Variants in SPON1 observed in about 807,000 individuals in gnomAD.
The protein encoded by SPON1 is spondin 1.
A neutral mutation model predicts 111.7 loss-of-function variants in SPON1; 52 were observed. The ratio of observed to expected loss-of-function variants is 0.47; its 90% CI spans 0.37 to 0.59. The LOEUF (loss-of-function observed/expected upper bound fraction) is 0.59. Ranked by LOEUF, SPON1 falls within the 20% of genes least tolerant of loss-of-function variation. The pLI, the probability that SPON1 is intolerant of heterozygous loss-of-function variation, is 0.00. For missense variants in SPON1, 957 were observed against 1,068.5 expected (o/e 0.90, Z 1.46); for synonymous variants, 410 against 395.8 (o/e 1.04, Z -0.43).
At chr11:14,023,868 G>C (rs1035928523) in intron 2 of SPON1, among the ~76,000 whole-genome samples, 5 of 152,168 alleles carry the variant, frequency 3.3e-5, no homozygotes, top group African/African-American at 4.8e-5. Context: ...TGGGCGTAGT[G>C]GTGGGCGCCT....
rs556926716 is a variant in SPON1, at chr11:13,991,856, C to T, written c.345+8903C>T. Among the ~76,000 whole-genome samples the T allele has an allele frequency of 1.1e-4, 16 of 152,266 alleles. 2 individuals are homozygous for T. In the South Asian group the frequency reaches 3.3e-3, roughly 32 times the overall value. Reference sequence around the variant, plus strand: ...TGCTGGAGTTTGCTGGAGGTCCACTCCTGACCCTGTTTGCCTGGGTATCAC... The same window carrying T: ...TGCTGGAGTTTGCTGGAGGTCCACTTCTGACCCTGTTTGCCTGGGTATCAC... On this transcript the variant is annotated intron_variant, in intron 2 of 15. Coordinates refer to ENST00000576479, the MANE Select transcript of SPON1 (RefSeq NM_006108.4).
At chr11:14,019,978 G>A (rs548244543) in intron 2 of SPON1, among the ~76,000 whole-genome samples, 13 of 152,258 alleles carry the variant, frequency 8.5e-5, no homozygotes, top group Non-Finnish European at 1.5e-4. Context: ...CAGGTCACAT[G>A]GTCACCTGAA....
intron 6 of SPON1, among the ~76,000 whole-genome samples, chr11:14,210,373 CT>C (rs79378171): frequency 0.023 from 3,061 of 133,584 alleles, 75 homozygotes; most frequent in African/African-American, 0.067. Context: ...TTTCTTTTTC[CT>C]TTTTTTTTTT....
At chr11:14,173,512 C>A (rs1848134031) in intron 6 of SPON1, among the ~76,000 whole-genome samples, 1 of 152,168 alleles carries the variant, frequency 6.6e-6, no homozygotes, top group Non-Finnish European at 1.5e-5. Context: ...CATTCTCTGT[C>A]CAGCTTTGTT....
chr11:14,013,002 G>A (rs782324151), intron 2 of SPON1, among the ~76,000 whole-genome samples: 2 of 152,158 alleles, frequency 1.3e-5, no homozygotes, highest in Non-Finnish European at 2.9e-5. Context: ...ACTGTACTCT[G>A]ATATTTCTTA....
rs185851031 is a variant in SPON1 at position 14,204,734 on chromosome 11, C to T, written c.826-38598C>T. Among the ~76,000 whole-genome samples the T allele has an allele frequency of 4.6e-3, 706 of 151,912 alleles. 7 individuals carry two copies. Among genetic ancestry groups the T allele is most frequent in the African/African-American group, 0.017 (684 of 41,428 alleles). On this transcript the variant is annotated intron_variant, in intron 6 of 15. Transcript: ENST00000576479. Reference sequence around the variant, plus strand: ...GGTTTTTTTTTTGTTTGCCAGGCTGCAGTGCAGTGGCGCAGTCTCGGCTTA... The same window carrying T: ...GGTTTTTTTTTTGTTTGCCAGGCTGTAGTGCAGTGGCGCAGTCTCGGCTTA...
At chr11:14,176,149 T>A (rs1554933046) in intron 6 of SPON1, among the ~76,000 whole-genome samples, 1 of 152,040 alleles carries the variant, frequency 6.6e-6, no homozygotes, top group Non-Finnish European at 1.5e-5. Context: ...TCATTGAATG[T>A]GACCAGACGA....
rs185170552 is a variant in SPON1 at position 14,034,396 on chromosome 11, T to G, written c.346-7125T>G. 1.2e-3 allele frequency among the ~76,000 whole-genome samples: 180 copies of G among 152,286 alleles called. 1 individual carries two copies. The highest frequency in any genetic ancestry group is 4.1e-3 in the African/African-American group (170 of 41,574). On this transcript the variant is annotated intron_variant, in intron 2 of 15. Transcript: ENST00000576479. ...TGAGACCCACTCTAGATGACGAGTG[T>G]GGAGACGTTTGGGATTGCCAGGAGG...
At chr11:14,141,510 A>G (rs1245781220) in intron 6 of SPON1, among the ~76,000 whole-genome samples, 1 of 152,210 alleles carries the variant, frequency 6.6e-6, no homozygotes, top group African/African-American at 2.4e-5. Flanking sequence ...AAGAGGTCAG[A>G]TAATGGTGGA....
chr11:14,180,978 A>G (rs947199185), intron 6 of SPON1, among the ~76,000 whole-genome samples: 1 of 152,212 alleles, frequency 6.6e-6, no homozygotes, highest in Non-Finnish European at 1.5e-5. Flanking sequence ...CAGTTTGTTC[A>G]CTACCCCCTG....
At chr11:14,025,659 G>A (rs976068182) in intron 2 of SPON1, among the ~76,000 whole-genome samples, 3 of 152,128 alleles carry the variant, frequency 2.0e-5, no homozygotes, top group Admixed American at 1.3e-4. Flanking sequence ...AGGGTCATGC[G>A]GGTGGTGGTT....
intron 6 of SPON1, among the ~76,000 whole-genome samples, chr11:14,235,638 C>T (rs1415007949): frequency 1.4e-5 from 2 of 138,076 alleles, no homozygotes; most frequent in Non-Finnish European, 3.0e-5. Flanking sequence ...ATGATTATGC[C>T]CCTGTACTCC....
intron 1 of SPON1, among the ~76,000 whole-genome samples, chr11:13,969,383 T>A (rs1166932789): frequency 6.6e-6 from 1 of 152,062 alleles, no homozygotes; most frequent in Non-Finnish European, 1.5e-5. Context: ...AGACCCTGTC[T>A]CAAAAGAAGG....
chr11:14,053,455 C>T (rs574847579), intron 3 of SPON1, among the ~76,000 whole-genome samples: 76 of 152,230 alleles, frequency 5.0e-4, no homozygotes, highest in African/African-American at 1.7e-3. Flanking sequence ...TGAGGTTCAT[C>T]CATGTTGTAG....
rs1554907660 is a variant in SPON1 at position 13,963,003 on chromosome 11, C to A, written c.99C>A (p.Thr33=). 25 of 1,594,622 alleles carry A rather than the reference C, an allele frequency of 1.6e-5. No homozygotes were observed. The highest frequency in any genetic ancestry group is 2.0e-5 in the Non-Finnish European group (24 of 1,171,680). Residue 33 remains threonine, a synonymous_variant, in exon 1 of 16, where the codon ACC becomes ACA. Transcript: ENST00000576479. ...CGGCGCTGGCCTTCTCCGACGAGAC[C>A]CTGGACAAAGTGCCCAAGTCAGAGG... ...LAAALAFSDE[T]LDKVPKSEGY... is the part of the protein sequence containing the mutation.
chr11:14,185,786 G>A (rs1413085775), intron 6 of SPON1, among the ~76,000 whole-genome samples: 3 of 152,196 alleles, frequency 2.0e-5, no homozygotes, highest in Non-Finnish European at 2.9e-5. Flanking sequence ...AACCCAAGAT[G>A]AGCAGCGCCC....
rs1475234416 is a variant in SPON1 at position 14,259,798 on chromosome 11, G to T, written c.1831+97G>T. On this transcript the variant is annotated intron_variant, in intron 13 of 15. Coordinates refer to ENST00000576479, the MANE Select transcript of SPON1 (RefSeq NM_006108.4). The surrounding 1 kb of genome is among the most constrained non-coding windows in gnomAD (Gnocchi z 5.0). Reference sequence around the variant, plus strand: ...TACCACCATAAAGGTCGGAGGCTGAGCAGAGGAAAGCATGGCCCATGGTCC... The same window carrying T: ...TACCACCATAAAGGTCGGAGGCTGATCAGAGGAAAGCATGGCCCATGGTCC... The T allele has an allele frequency of 1.3e-5, 18 of 1,342,402 alleles. No homozygotes were observed. The highest frequency in any genetic ancestry group is 1.6e-5 in the Non-Finnish European group (16 of 984,992). The allele number at this position is 1,342,402 out of a possible 1,614,324, so 83.2% of individuals were successfully genotyped here.
At position 14,224,492 on chromosome 11, in the gene SPON1, A is replaced by T. The variant is rs781815757; in HGVS notation, c.826-18840A>T. ...AAACTGCAAGTAGAATATCTTTGAT[A>T]TGGAGGACCCTGGGTTCAGAGGCTG... On this transcript the variant is annotated intron_variant, in intron 6 of 15. Transcript: ENST00000576479. 3.8e-4 allele frequency among the ~76,000 whole-genome samples: 58 copies of T among 152,242 alleles called. 1 individual carries two copies. The highest frequency in any genetic ancestry group is 7.2e-4 in the Admixed American group (11 of 15,286).
chr11:14,182,995 G>A (rs192444086), intron 6 of SPON1, among the ~76,000 whole-genome samples: 87 of 152,302 alleles, frequency 5.7e-4, no homozygotes, highest in African/African-American at 2.1e-3. Flanking sequence ...ATAAAGACCT[G>A]CAGCAGCACA....
Sources: gnomAD v4.1 joint callset for allele counts (sites outside exome capture counted in the v4.1 genomes callset) on GRCh38, gnomAD v4.1.1 for gene constraint, Gnocchi (gnomAD v3.1) non-coding constraint, MANE v1.5 for transcripts, NCBI Gene and HGNC (gene_info 2026-07-23, HGNC 2026-07-21) for gene names.